CNTNAP2: variants seen among roughly 807,000 people sequenced by gnomAD.
The protein encoded by CNTNAP2 is contactin-associated protein-like 2.
In CNTNAP2, 98 loss-of-function variants were observed where a neutral mutation model predicts 155.2. The observed-to-expected ratio is 0.63, with a 90% CI of 0.54 to 0.75. CNTNAP2 has a LOEUF of 0.75. Ranked by LOEUF, CNTNAP2 falls within the 30% of genes least tolerant of loss-of-function variation. CNTNAP2 has a pLI of 0.00. For synonymous variants in CNTNAP2, 651 were observed against 631.2 expected, an observed-to-expected ratio of 1.03 and a Z score of -0.47; for missense variants, 1,727 against 1,688.1, an observed-to-expected ratio of 1.02 and a Z score of -0.40.
At chr7:147,404,084 T>C (rs557215357) in intron 10 of CNTNAP2, among the ~76,000 whole-genome samples, 1 of 152,298 alleles carries the variant, frequency 6.6e-6, no homozygotes, top group East Asian at 1.9e-4. Context: ...GCTTATTTCA[T>C]TACGCATACT....
intron 5 of CNTNAP2, among the ~76,000 whole-genome samples, chr7:147,117,814 A>G (rs976391504): frequency 2.0e-5 from 3 of 152,152 alleles, no homozygotes; most frequent in African/African-American, 7.2e-5. Flanking sequence ...TGTACCCTTG[A>G]TTATAAAACT....
At chr7:146,793,203 C>T (rs1465662739) in intron 2 of CNTNAP2, among the ~76,000 whole-genome samples, 3 of 152,154 alleles carry the variant, frequency 2.0e-5, no homozygotes, top group African/African-American at 7.2e-5. Context: ...ATTTAAATTT[C>T]ACAACATTTA....
At chr7:148,103,914 G>A (rs1308917646) in intron 15 of CNTNAP2, among the ~76,000 whole-genome samples, 1 of 152,102 alleles carries the variant, frequency 6.6e-6, no homozygotes, top group African/African-American at 2.4e-5. Flanking sequence ...TGCCTACAAA[G>A]AAGTCTTTGT....
intron 9 of CNTNAP2, among the ~76,000 whole-genome samples, chr7:147,370,781 A>C (rs1474755056): frequency 6.6e-6 from 1 of 152,192 alleles, no homozygotes; most frequent in African/African-American, 2.4e-5. Flanking sequence ...GCATCTTTAC[A>C]TTGAATTTGA....
chr7:146,455,011 A>T (rs969453070), intron 1 of CNTNAP2, among the ~76,000 whole-genome samples: 3 of 152,166 alleles, frequency 2.0e-5, no homozygotes, highest in African/African-American at 7.2e-5. Context: ...TGTGCCCTGA[A>T]TGTGGGCTCT....
At chr7:147,597,186 C>T (rs766941976) in intron 12 of CNTNAP2, among the ~76,000 whole-genome samples, 8 of 152,120 alleles carry the variant, frequency 5.3e-5, no homozygotes, top group Non-Finnish European at 1.2e-4. Context: ...CATGGACTTG[C>T]TCTGAGTTCT....
intron 3 of CNTNAP2, among the ~76,000 whole-genome samples, chr7:147,034,401 G>A (rs941590160): frequency 5.3e-5 from 8 of 152,104 alleles, no homozygotes; most frequent in African/African-American, 1.4e-4. Context: ...TAGGGAGAGC[G>A]TGCAGATGGG....
chr7:146,719,573 A>T (rs1203307078), intron 1 of CNTNAP2, among the ~76,000 whole-genome samples: 1 of 152,060 alleles, frequency 6.6e-6, no homozygotes, highest in African/African-American at 2.4e-5. Context: ...AGAACATTGG[A>T]GTTTTTTCCA....
intron 3 of CNTNAP2, among the ~76,000 whole-genome samples, chr7:146,895,716 G>T (rs191139885): frequency 1.3e-5 from 2 of 151,972 alleles, no homozygotes; most frequent in South Asian, 4.1e-4. Flanking sequence ...TAACTTCTCC[G>T]AAAAAGGAGT....
At chr7:147,981,904 G>T (rs1469266710) in intron 15 of CNTNAP2, among the ~76,000 whole-genome samples, 1 of 151,694 alleles carries the variant, frequency 6.6e-6, no homozygotes. Context: ...TATGAGTGGT[G>T]ACGGATGGTT....
chr7:146,767,454 T>C (rs1205124488), intron 1 of CNTNAP2, among the ~76,000 whole-genome samples: 3 of 152,202 alleles, frequency 2.0e-5, no homozygotes, highest in Non-Finnish European at 4.4e-5. Context: ...TCTGTGTATA[T>C]GTACTATGAA....
chr7:147,673,257 C>A (rs1335954642), intron 13 of CNTNAP2: 5 of 152,118 alleles, frequency 3.3e-5, no homozygotes, highest in African/African-American at 1.2e-4. Flanking sequence ...TTGGTATTGT[C>A]TGGAAGGAAA....
intron 10 of CNTNAP2, among the ~76,000 whole-genome samples, chr7:147,463,198 T>C (rs966761482): frequency 1.3e-5 from 2 of 152,202 alleles, no homozygotes; most frequent in Non-Finnish European, 2.9e-5. Context: ...ATATTAATCT[T>C]AGAATTGTAT....
At chr7:147,381,283 T>C (rs1796531064) in intron 9 of CNTNAP2, among the ~76,000 whole-genome samples, 1 of 152,292 alleles carries the variant, frequency 6.6e-6, no homozygotes, top group East Asian at 1.9e-4. Context: ...CACAAATACA[T>C]CTTAAACCAG....
intron 12 of CNTNAP2, among the ~76,000 whole-genome samples, chr7:147,605,886 C>T (rs1030308542): frequency 1.3e-5 from 2 of 151,456 alleles, no homozygotes; most frequent in African/African-American, 2.4e-5. Context: ...TGTCCCTCTT[C>T]CCTTCTCTCT....
At chr7:147,683,085 G>C (rs903021311) in intron 13 of CNTNAP2, among the ~76,000 whole-genome samples, 3 of 151,860 alleles carry the variant, frequency 2.0e-5, no homozygotes, top group Admixed American at 6.6e-5. Context: ...TAATTCAACT[G>C]AGTGGACAGA....
chr7:147,301,586 CTCTCTCTGTGTG>C (rs1439902059), intron 9 of CNTNAP2, among the ~76,000 whole-genome samples: 30 of 63,066 alleles, frequency 4.8e-4, no homozygotes, highest in African/African-American at 1.0e-3. Context: ...CTCTCTCTCT[CTCTCTCTGTGTG>C]TGTGTGTGTG....
At chr7:147,083,589 C>T (rs919562924) in intron 4 of CNTNAP2, among the ~76,000 whole-genome samples, 3 of 140,084 alleles carry the variant, frequency 2.1e-5, no homozygotes, top group Non-Finnish European at 3.1e-5. Flanking sequence ...TATATATATA[C>T]ACACACACGT....
intron 1 of CNTNAP2, among the ~76,000 whole-genome samples, chr7:146,321,728 A>G (rs1801005019): frequency 6.6e-6 from 1 of 152,114 alleles, no homozygotes; most frequent in Non-Finnish European, 1.5e-5. Flanking sequence ...AGGAAAAGAG[A>G]TGTTCTACAC....
Sources: gnomAD v4.1 joint callset for allele counts (sites outside exome capture counted in the v4.1 genomes callset) on GRCh38, gnomAD v4.1.1 for gene constraint, MANE v1.5 for transcripts, NCBI Gene and HGNC (gene_info 2026-07-23, HGNC 2026-07-21) for gene names.